Variants in FHIP1A observed in about 807,000 individuals in gnomAD.
The protein encoded by FHIP1A is FHF complex subunit HOOK-interacting protein 1A.
In FHIP1A, 61 loss-of-function variants were observed where a neutral mutation model predicts 88.6. The observed-to-expected ratio is 0.69, with a 90% CI of 0.56 to 0.85. The LOEUF (loss-of-function observed/expected upper bound fraction) is 0.85. FHIP1A is among the 40% of genes least tolerant of loss of function. The probability of loss-of-function intolerance (pLI) is 0.00; values close to 1 mark genes in which losing one functional copy is unlikely to be tolerated. For missense variants in FHIP1A, 1,154 were observed against 1,273.5 expected (o/e 0.91, Z 1.43); for synonymous variants, 478 against 496.0 (o/e 0.96, Z 0.48).
chr4:151,505,707 T>C (rs1043189211), intron 3 of FHIP1A, among the ~76,000 whole-genome samples: 3 of 152,212 alleles, frequency 2.0e-5, no homozygotes, highest in African/African-American at 7.2e-5. Flanking sequence ...CAAGTGGGCA[T>C]GGTGTGAGCC....
chr4:151,492,389 C>T (rs1039773485), intron 3 of FHIP1A, among the ~76,000 whole-genome samples: 2 of 151,844 alleles, frequency 1.3e-5, no homozygotes, highest in African/African-American at 2.4e-5. Context: ...GTCAGGAGTT[C>T]GATAACAGCC....
chr4:151,567,504 T>C (rs1258251738), intron 4 of FHIP1A, among the ~76,000 whole-genome samples: 1 of 152,134 alleles, frequency 6.6e-6, no homozygotes, highest in East Asian at 1.9e-4. Flanking sequence ...GGATTTGCTA[T>C]GGACATTAGG....
intron 1 of FHIP1A, among the ~76,000 whole-genome samples, chr4:151,417,420 A>G (rs1328516307): frequency 2.6e-5 from 4 of 152,216 alleles, no homozygotes; most frequent in African/African-American, 9.6e-5. Context: ...AAAGTGACCA[A>G]TCAGAGGCTG....
intron 1 of FHIP1A, among the ~76,000 whole-genome samples, chr4:151,452,955 T>TACACACACAC (rs374067458): frequency 2.0e-5 from 3 of 147,804 alleles, no homozygotes; most frequent in Non-Finnish European, 4.5e-5. Context: ...TATATATACA[T>TACACACACAC]ACACACACAC....
intron 8 of FHIP1A, among the ~76,000 whole-genome samples, chr4:151,630,173 G>T (rs1350618581): frequency 6.6e-6 from 1 of 152,116 alleles, no homozygotes; most frequent in Non-Finnish European, 1.5e-5. Context: ...GCACTTCTGT[G>T]GGGGCAAGAT....
chr4:151,568,746 A>G (rs1470743599), intron 4 of FHIP1A, among the ~76,000 whole-genome samples: 3 of 152,224 alleles, frequency 2.0e-5, no homozygotes, highest in African/African-American at 7.2e-5. Context: ...ATGGCTGGAA[A>G]TGGCCTGGGA....
chr4:151,668,274 A>G lies in FHIP1A; in HGVS notation c.*5520A>G, dbSNP rs201594596. On this transcript the variant is annotated 3_prime_UTR_variant, in exon 14 of 14. Transcript: ENST00000435205. ...AGATAGATCTGGTGGCTTTTCCCCA[A>G]TAGTCACCATGTGGAAACTATGCAA... is the stretch of plus-strand genomic sequence containing the variant. 6.6e-5 allele frequency among the ~76,000 whole-genome samples: 10 copies of G among 152,240 alleles called. No individual in the cohort carries two copies. The East Asian group carries it at 1.2e-3, about 18-fold the overall frequency.
chr4:151,642,024 G>A (rs1736605891), intron 9 of FHIP1A, among the ~76,000 whole-genome samples: 1 of 152,188 alleles, frequency 6.6e-6, no homozygotes, highest in East Asian at 1.9e-4. Context: ...TCAAAATGAT[G>A]ATCCATTTGT....
intron 2 of FHIP1A, among the ~76,000 whole-genome samples, chr4:151,477,384 C>A (rs1729745905): frequency 6.6e-6 from 1 of 151,980 alleles, no homozygotes; most frequent in African/African-American, 2.4e-5. Flanking sequence ...CTATGATAAA[C>A]AAATTTAAAA....
rs1406867381 is a variant in FHIP1A at position 151,596,805 on chromosome 4, T to A, written c.978+7879T>A. Among the ~76,000 whole-genome samples the A allele has an allele frequency of 2.0e-5, 3 of 152,292 alleles. No individual in the cohort carries two copies. In the East Asian group the frequency reaches 5.8e-4, roughly 29 times the overall value. On this transcript the variant is annotated intron_variant, in intron 7 of 13. Transcript: ENST00000435205. ...CAATCTCTGATATCCTTTCTTCCAC[T>A]TGATTGATGTGGCTATTGATGCTTG...
intron 7 of FHIP1A, among the ~76,000 whole-genome samples, chr4:151,594,224 A>G (rs1398624399): frequency 2.0e-5 from 3 of 152,148 alleles, no homozygotes; most frequent in Non-Finnish European, 4.4e-5. Context: ...TGTCTCTGCC[A>G]GGTTTTGGTA....
At chr4:151,643,053 TCAAA>T (rs1736651470) in intron 9 of FHIP1A, among the ~76,000 whole-genome samples, 1 of 151,968 alleles carries the variant, frequency 6.6e-6, no homozygotes, top group South Asian at 2.1e-4. Context: ...ATTTAAATTC[TCAAA>T]CAAAATACAT....
chr4:151,496,643 G>A (rs1405636045), intron 3 of FHIP1A, among the ~76,000 whole-genome samples: 3 of 149,906 alleles, frequency 2.0e-5, no homozygotes, highest in South Asian at 2.1e-4. Flanking sequence ...CCATTCCCCC[G>A]GCTCAAGTGA....
intron 1 of FHIP1A, among the ~76,000 whole-genome samples, chr4:151,449,670 T>C (rs1728726633): frequency 6.6e-6 from 1 of 152,012 alleles, no homozygotes; most frequent in Non-Finnish European, 1.5e-5. Flanking sequence ...CTACCAACTT[T>C]TCCCCATCCT....
chr4:151,478,639 A>C (rs1411163065), intron 2 of FHIP1A, among the ~76,000 whole-genome samples: 1 of 152,158 alleles, frequency 6.6e-6, no homozygotes, highest in African/African-American at 2.4e-5. Flanking sequence ...GGGCTAAACA[A>C]AACTAAGCAG....
In FHIP1A at chr4:151,663,558, G is replaced by A. The variant is rs1475940656; in HGVS notation, c.*804G>A. ...AGTTTGATCAGATGAAGAAGTAATG[G>A]TATCACATATATATGTAAGAAGACA... On this transcript the variant is annotated 3_prime_UTR_variant, in exon 14 of 14. Coordinates refer to ENST00000435205, the MANE Select transcript of FHIP1A (RefSeq NM_001109977.3). 6.6e-6 allele frequency: 1 copy of A among 152,026 alleles called. No individual in the cohort carries two copies. The highest frequency in any genetic ancestry group is 1.5e-5 in the Non-Finnish European group (1 of 67,998). 9.4% of individuals were successfully genotyped at this position (152,026 alleles called of 1,614,324 possible).
intron 3 of FHIP1A, among the ~76,000 whole-genome samples, chr4:151,484,834 C>T (rs976831260): frequency 1.3e-5 from 2 of 152,162 alleles, no homozygotes; most frequent in African/African-American, 4.8e-5. Flanking sequence ...AAGTCGTCTA[C>T]ATGAGAAAAG....
At chr4:151,466,082 C>G (rs1484193004) in intron 2 of FHIP1A, among the ~76,000 whole-genome samples, 2 of 152,088 alleles carry the variant, frequency 1.3e-5, no homozygotes, top group Admixed American at 6.6e-5. Flanking sequence ...TTAGAAGACC[C>G]CATCGTCTCA....
chr4:151,442,110 G>A (rs1728432779), intron 1 of FHIP1A, among the ~76,000 whole-genome samples: 1 of 152,048 alleles, frequency 6.6e-6, no homozygotes, highest in African/African-American at 2.4e-5. Context: ...TCTTAGTAAT[G>A]TTCAACAATA....
Sources: allele counts gnomAD v4.1 joint callset (sites outside exome capture counted in the v4.1 genomes callset), GRCh38; gene constraint gnomAD v4.1.1; transcripts MANE v1.5; gene names NCBI Gene and HGNC (gene_info 2026-07-23, HGNC 2026-07-21).